LRP1B: variants seen among roughly 807,000 people sequenced by gnomAD.
LRP1B encodes LDL receptor related protein 1B.
A neutral mutation model predicts 556.6 loss-of-function variants in LRP1B; 217 were observed. The ratio of observed to expected loss-of-function variants is 0.39; its 90% confidence interval spans 0.35 to 0.44. The LOEUF is 0.44. Ranked by LOEUF, LRP1B falls within the 20% of genes least tolerant of loss-of-function variation. LRP1B has a pLI of 1.00. For synonymous variants in LRP1B, 2,047 were observed against 1,865.8 expected (o/e 1.10, Z -2.50); for missense variants, 5,053 against 5,620.8 (o/e 0.90, Z 3.23).
chr2:140,771,158 A>G (rs1689298124), intron 33 of LRP1B, 152 bp from the exon 34 acceptor site: 3 of 556,198 alleles, frequency 5.4e-6, no homozygotes, highest in Non-Finnish European at 6.0e-6. Flanking sequence ...ATTCTCTTGA[A>G]TAATTTAAAG....
rs556789031 is a variant in LRP1B, at chr2:140,908,695, A to C, written c.3320-618T>G. Among the ~76,000 whole-genome samples the C allele has an allele frequency of 1.5e-4, 23 of 152,304 alleles. 1 individual carries two copies. In the South Asian group the frequency reaches 4.8e-3, roughly 32 times the overall value. On this transcript the variant is annotated intron_variant, in intron 21 of 90. Transcript: ENST00000389484. Reference sequence around the variant, plus strand: ...ACTAACATGTATAGACGGAATTTATAGAATTTTTTTATTGTTTCTAGAAGA... The same window carrying C: ...ACTAACATGTATAGACGGAATTTATCGAATTTTTTTATTGTTTCTAGAAGA...
chr2:141,216,662 G>T (rs1169689747), intron 6 of LRP1B, among the ~76,000 whole-genome samples: 1 of 152,170 alleles, frequency 6.6e-6, no homozygotes, highest in South Asian at 2.1e-4. Flanking sequence ...GCTGTGCAAG[G>T]CTTTGGGAGC....
intron 2 of LRP1B, among the ~76,000 whole-genome samples, chr2:141,516,827 A>G (rs149571454): frequency 4.6e-5 from 7 of 151,144 alleles, no homozygotes; most frequent in African/African-American, 1.2e-4. Context: ...CCTCCCAAGT[A>G]GCTAGGATTG....
At chr2:140,274,730 T>A (rs1360274807) in intron 84 of LRP1B, 132 bp from the exon 85 acceptor site, 1 of 678,564 alleles carries the variant, frequency 1.5e-6, no homozygotes, top group Non-Finnish European at 2.4e-6. Flanking sequence ...CAGCTTATAA[T>A]TACACATGAA....
intron 2 of LRP1B, among the ~76,000 whole-genome samples, chr2:141,488,181 TG>T (rs1055199782): frequency 8.9e-6 from 1 of 112,332 alleles, no homozygotes; most frequent in Non-Finnish European, 1.9e-5. Context: ...TACATTTATT[TG>T]TTTTTTTCCC....
At chr2:140,253,051 G>C (rs1681523066) in intron 86 of LRP1B, among the ~76,000 whole-genome samples, 1 of 151,896 alleles carries the variant, frequency 6.6e-6, no homozygotes, top group Non-Finnish European at 1.5e-5. Flanking sequence ...TTTTCTATGA[G>C]AATAGCTAGG....
intron 2 of LRP1B, among the ~76,000 whole-genome samples, chr2:141,710,412 C>A (rs1056412930): frequency 1.3e-5 from 2 of 152,026 alleles, no homozygotes; most frequent in African/African-American, 4.8e-5. Flanking sequence ...TGACAAAACA[C>A]CTTCAATAAT....
chr2:140,738,655 C>G (rs1457760512), intron 35 of LRP1B, among the ~76,000 whole-genome samples: 3 of 152,144 alleles, frequency 2.0e-5, no homozygotes, highest in Admixed American at 6.5e-5. Context: ...TAGAATTACT[C>G]TGCTAAAATT....
At chr2:141,227,912 CATG>C (rs1683307485) in intron 6 of LRP1B, among the ~76,000 whole-genome samples, 1 of 152,076 alleles carries the variant, frequency 6.6e-6, no homozygotes, top group African/African-American at 2.4e-5. Context: ...TGATTGTACA[CATG>C]TCTCTTCATT....
chr2:141,968,307 G>A (rs1321996175), intron 1 of LRP1B, among the ~76,000 whole-genome samples: 2 of 151,770 alleles, frequency 1.3e-5, no homozygotes, highest in Non-Finnish European at 2.9e-5. Context: ...TTAATCAGTG[G>A]TAGAAATTAA....
At chr2:140,806,313 C>A (rs1690713708) in intron 32 of LRP1B, among the ~76,000 whole-genome samples, 1 of 151,964 alleles carries the variant, frequency 6.6e-6, no homozygotes. Context: ...ATGCATACAC[C>A]TTGACACTCA....
intron 2 of LRP1B, among the ~76,000 whole-genome samples, chr2:141,505,595 T>C (rs535654395): frequency 3.3e-5 from 5 of 152,230 alleles, no homozygotes; most frequent in African/African-American, 1.2e-4. Flanking sequence ...ATTCAACATA[T>C]ACCTGTTACT....
At chr2:141,882,991 G>A (rs911291245) in intron 1 of LRP1B, among the ~76,000 whole-genome samples, 2 of 152,140 alleles carry the variant, frequency 1.3e-5, no homozygotes, top group Non-Finnish European at 2.9e-5. Context: ...TGCGGCTAAA[G>A]TACGCAGCTA....
intron 18 of LRP1B, among the ~76,000 whole-genome samples, chr2:140,979,272 C>T (rs116859636): frequency 1.1e-3 from 167 of 152,274 alleles, no homozygotes; most frequent in East Asian, 9.9e-3. Flanking sequence ...AACCACCACA[C>T]CTGGTCGTGA....
At chr2:140,942,252 TTAAAA>T (rs1695423230) in intron 20 of LRP1B, among the ~76,000 whole-genome samples, 1 of 152,064 alleles carries the variant, frequency 6.6e-6, no homozygotes, top group African/African-American at 2.4e-5. Context: ...AGAAAAATAA[TTAAAA>T]TAAAATGAAT....
At position 140,297,981 on chromosome 2, in the gene LRP1B, A is replaced by G. The variant is rs1683675519; in HGVS notation, c.12806-12T>C. On this transcript the variant is annotated splice_polypyrimidine_tract_variant and intron_variant, in intron 83 of 90. Coordinates refer to ENST00000389484, the MANE Select transcript of LRP1B (RefSeq NM_018557.3). ...GCAGGTGGGTCTCCCTATTGGAAAC[A>G]ATAAGTAATAAAAAGCAAATTATTC... 6.4e-6 allele frequency: 10 copies of G among 1,571,660 alleles called. No individual in the cohort carries two copies. Among genetic ancestry groups the G allele is most frequent in the Non-Finnish European group, 8.7e-6 (10 of 1,151,920 alleles).
chr2:140,959,052 C>T (rs1447863760), intron 18 of LRP1B, among the ~76,000 whole-genome samples: 1 of 142,078 alleles, frequency 7.0e-6, no homozygotes, highest in Non-Finnish European at 1.5e-5. Flanking sequence ...AAGTGTGCTG[C>T]TCAGATTTTT....
chr2:140,793,924 G>A (rs149497569), intron 32 of LRP1B, among the ~76,000 whole-genome samples: 66 of 151,742 alleles, frequency 4.3e-4, no homozygotes, highest in African/African-American at 1.5e-3. Context: ...TGTTTTATAC[G>A]TAAATTATAA....
At chr2:140,276,221 TTA>T (rs1186492363) in intron 84 of LRP1B, among the ~76,000 whole-genome samples, 3 of 151,972 alleles carry the variant, frequency 2.0e-5, no homozygotes, top group African/African-American at 4.8e-5. Flanking sequence ...ATTCTCATGT[TTA>T]TGTTTATCTA....
Sources: allele counts gnomAD v4.1 joint callset (sites outside exome capture counted in the v4.1 genomes callset), GRCh38; gene constraint gnomAD v4.1.1; transcripts MANE v1.5; gene names NCBI Gene and HGNC (gene_info 2026-07-23, HGNC 2026-07-21).